Variants in IQSEC1 observed in about 807,000 individuals in gnomAD.
IQSEC1 encodes the protein IQ motif and Sec7 domain ArfGEF 1.
In IQSEC1, 31 loss-of-function variants were observed where a neutral mutation model predicts 91.0. The ratio of observed to expected loss-of-function variants is 0.34; its 90% CI spans 0.26 to 0.46. The LOEUF (loss-of-function observed/expected upper bound fraction) is 0.46. IQSEC1 is among the 20% of genes least tolerant of loss of function. The pLI, the probability that IQSEC1 is intolerant of heterozygous loss-of-function variation, is 1.00. For synonymous variants in IQSEC1, 699 were observed against 662.6 expected (o/e 1.05, Z -0.84); for missense variants, 1,388 against 1,575.6 (o/e 0.88, Z 2.02).
intron 2 of IQSEC1, among the ~76,000 whole-genome samples, chr3:13,094,406 A>G (rs1216907800): frequency 6.6e-6 from 1 of 152,180 alleles, no homozygotes; most frequent in African/African-American, 2.4e-5. Context: ...GCCACCTGGA[A>G]GTCCCATCCC....
intron 2 of IQSEC1, among the ~76,000 whole-genome samples, chr3:13,162,051 T>G (rs1707188174): frequency 6.6e-6 from 1 of 152,186 alleles, no homozygotes; most frequent in Admixed American, 6.5e-5. Flanking sequence ...GATGATCCGC[T>G]GGAGTGAACA....
Position 12,911,712 on chromosome 3 carries a change from T to G in IQSEC1, c.2333A>C (p.Gln778Pro). ...GTACGTCACCGAGTTCTTCTTCTTC[T>G]GGAAGATCTTGGTGACCTAGAGGCA... is the stretch of plus-strand genomic sequence containing the variant. ...NDLLVVTKIF[Q>P]KKKNSVTYSF... Residue 778 changes from glutamine (Q) to proline (P), a missense_variant, in exon 10 of 14, where the codon CAG becomes CCG. Gln to Pro is a moderately conservative substitution (Grantham distance 76). Coordinates refer to ENST00000613206, the MANE Select transcript of IQSEC1 (RefSeq NM_001134382.3). 2.5e-6 allele frequency: 4 copies of G among 1,612,256 alleles called. No homozygotes were observed. The highest frequency in any genetic ancestry group is 2.5e-6 in the Non-Finnish European group (3 of 1,179,392).
intron 1 of IQSEC1, among the ~76,000 whole-genome samples, chr3:12,964,022 C>G (rs181339805): frequency 5.0e-4 from 76 of 152,344 alleles, no homozygotes; most frequent in African/African-American, 1.7e-3. Context: ...CATCGGGGTA[C>G]TAGCCACAGG....
chr3:12,955,697 G>A (rs1194548561), intron 1 of IQSEC1, among the ~76,000 whole-genome samples: 1 of 152,250 alleles, frequency 6.6e-6, no homozygotes, highest in East Asian at 1.9e-4. Context: ...TAAAGAGAGG[G>A]GCTGGGCAAA....
At chr3:13,274,667 T>C (rs995363996) in intron 1 of IQSEC1, among the ~76,000 whole-genome samples, 2 of 152,210 alleles carry the variant, frequency 1.3e-5, no homozygotes, top group African/African-American at 2.4e-5. Flanking sequence ...GCTCAGCAAG[T>C]GTTCATCTCA....
intron 1 of IQSEC1, among the ~76,000 whole-genome samples, chr3:13,005,757 G>A (rs1702609562): frequency 6.6e-6 from 1 of 152,196 alleles, no homozygotes; most frequent in Admixed American, 6.5e-5. Context: ...GTAGGGACGG[G>A]GAATGGAAAT....
At position 13,015,731 on chromosome 3, in the gene IQSEC1, G is replaced by C. The variant is rs568372698; in HGVS notation, c.23+57261C>G. The C allele has an allele frequency of 9.1e-6, 9 of 985,432 alleles. No homozygotes were observed. The East Asian group carries it at 1.0e-3, about 112-fold the overall frequency. The allele number at this position is 985,432 out of a possible 1,614,324, so 61.0% of individuals were successfully genotyped here. On this transcript the variant is annotated intron_variant, in intron 1 of 13. Coordinates refer to ENST00000613206, the MANE Select transcript of IQSEC1 (RefSeq NM_001134382.3). The stretch of plus-strand genomic sequence containing the variant: ...GTCGGCATCCAGGAAACCACACCCA[G>C]GGGAGAGGGTGCCAGGCACCCTGGG...
chr3:13,076,861 A>G (rs1323852162), upstream of IQSEC1, among the ~76,000 whole-genome samples: 1 of 151,960 alleles, frequency 6.6e-6, no homozygotes, highest in Non-Finnish European at 1.5e-5. Flanking sequence ...ACCCTCCTAA[A>G]TCTTATTCCC....
intron 2 of IQSEC1, among the ~76,000 whole-genome samples, chr3:13,148,103 T>G (rs1706927271): frequency 6.6e-6 from 1 of 152,256 alleles, no homozygotes; most frequent in Non-Finnish European, 1.5e-5. Context: ...TATTCCCTTT[T>G]CACCATGTCC....
At chr3:12,926,638 G>A (rs768495767) in intron 3 of IQSEC1, among the ~76,000 whole-genome samples, 7 of 152,234 alleles carry the variant, frequency 4.6e-5, no homozygotes, top group Non-Finnish European at 7.3e-5. Flanking sequence ...ACTAATTAGG[G>A]GGCCGGGCCT....
intron 1 of IQSEC1, among the ~76,000 whole-genome samples, chr3:13,165,942 G>A (rs759270174): frequency 2.0e-5 from 3 of 152,136 alleles, no homozygotes; most frequent in East Asian, 1.9e-4. Context: ...CTCCTTTCTC[G>A]CTGTCCATGG....
intron 2 of IQSEC1, among the ~76,000 whole-genome samples, chr3:13,143,162 C>T (rs1427509704): frequency 1.3e-5 from 2 of 152,244 alleles, no homozygotes; most frequent in African/African-American, 4.8e-5. Flanking sequence ...TCCCATCAGC[C>T]TTGCTCCTCC....
intron 2 of IQSEC1, among the ~76,000 whole-genome samples, chr3:13,162,654 A>T (rs532951598): frequency 1.6e-4 from 24 of 152,254 alleles, no homozygotes; most frequent in African/African-American, 5.8e-4. Context: ...ACGTACTTAC[A>T]CCTGCCCTTT....
At chr3:13,232,153 A>C (rs1694848916) in intron 1 of IQSEC1, among the ~76,000 whole-genome samples, 1 of 152,160 alleles carries the variant, frequency 6.6e-6, no homozygotes, top group Admixed American at 6.5e-5. Flanking sequence ...GCTGAGTCTC[A>C]CTTCAGGACG....
chr3:12,916,376 C>T lies in IQSEC1; in HGVS notation c.2021-643G>A, dbSNP rs763886888. On this transcript the variant is annotated intron_variant, in intron 6 of 13. Transcript: ENST00000613206. ...AGAGGCTGGAGGCTGGGCTCTGACC[C>T]GGGGCTGCCCTAACCACAAGCACAC... Among the ~76,000 whole-genome samples the T allele has an allele frequency of 2.5e-4, 38 of 152,186 alleles. 1 individual carries two copies. Among genetic ancestry groups the T allele is most frequent in the Non-Finnish European group, 1.5e-4 (10 of 68,030 alleles).
chr3:12,935,627 G>A lies in IQSEC1; in HGVS notation c.1389C>T (p.Ser463=). 2 of 1,614,124 alleles carry A rather than the reference G, an allele frequency of 1.2e-6. No individual in the cohort carries two copies. The highest frequency in any genetic ancestry group is 1.7e-6 in the Non-Finnish European group (2 of 1,180,026). ...TGCAGTTGATGGTATCGTTGGAGTTGGACGTGCTGTTGATGCTGTCATTGT... is the reference window on the plus strand; with the variant it reads ...TGCAGTTGATGGTATCGTTGGAGTTAGACGTGCTGTTGATGCTGTCATTGT... ...DGDNDSINST[S]NSNDTINCSS... The change falls in exon 3 of 14, where the codon TCC becomes TCT. Residue 463 remains serine (S), a synonymous_variant. Coordinates refer to ENST00000613206, the MANE Select transcript of IQSEC1 (RefSeq NM_001134382.3). The surrounding 1 kb of genome is among the most constrained non-coding windows in gnomAD (Gnocchi z 8.0).
intron 1 of IQSEC1, among the ~76,000 whole-genome samples, chr3:13,187,093 G>A (rs1314869566): frequency 6.6e-6 from 1 of 150,672 alleles, no homozygotes; most frequent in African/African-American, 2.5e-5. Context: ...CCATCCTTCT[G>A]CCCACTATGC....
At chr3:13,053,338 C>T (rs771855434) in intron 1 of IQSEC1, among the ~76,000 whole-genome samples, 13 of 152,210 alleles carry the variant, frequency 8.5e-5, no homozygotes, top group Non-Finnish European at 1.8e-4. Flanking sequence ...TCCCCTCGAG[C>T]CTTCCAAGCT....
In IQSEC1 at chr3:13,263,750, T is replaced by A. The variant is rs931090871; in HGVS notation, c.272+18961A>T. ...TGTGCCCAATGTGCCCAGCCCCACT[T>A]TTTTTTTTAAAGTAGGTACTCACCC... On this transcript the variant is annotated intron_variant, in intron 1 of 15. Coordinates refer to the IQSEC1 transcript ENST00000648114. Among the ~76,000 whole-genome samples, 10 of 150,728 alleles carry A rather than the reference T, an allele frequency of 6.6e-5. No individual in the cohort carries two copies. In the East Asian group the frequency reaches 1.8e-3, roughly 26 times the overall value.
Sources: gnomAD v4.1 joint callset for allele counts (sites outside exome capture counted in the v4.1 genomes callset) on GRCh38, gnomAD v4.1.1 for gene constraint, Gnocchi (gnomAD v3.1) non-coding constraint, MANE v1.5 for transcripts, NCBI Gene and HGNC (gene_info 2026-07-23, HGNC 2026-07-21) for gene names.